Variants in RALGPS2 observed in about 807,000 individuals in gnomAD.
The protein encoded by RALGPS2 is Ral GEF with PH domain and SH3 binding motif 2.
RALGPS2 carries 43 observed loss-of-function variants against 86.8 expected under a neutral mutation model. That is an observed-to-expected ratio of 0.50 (90% CI 0.39 to 0.64). The LOEUF (loss-of-function observed/expected upper bound fraction) is 0.64. Ranked by LOEUF, RALGPS2 falls within the 30% of genes least tolerant of loss-of-function variation. The probability of loss-of-function intolerance (pLI) is 0.00; values close to 1 mark genes in which losing one functional copy is unlikely to be tolerated. For synonymous variants in RALGPS2, 243 were observed against 231.3 expected (o/e 1.05, Z -0.46); for missense variants, 536 against 694.6 (o/e 0.77, Z 2.57).
chr1:178,877,390 G>GT (rs1172239129), intron 8 of RALGPS2, 108 bp from the exon 9 acceptor site: 1 of 1,451,974 alleles, frequency 6.9e-7, no homozygotes, highest in African/African-American at 1.4e-5. Flanking sequence ...TATTTTAAAT[G>GT]TAGCGTACAG....
intron 1 of RALGPS2, among the ~76,000 whole-genome samples, chr1:178,762,216 A>G (rs923054940): frequency 1.3e-5 from 2 of 152,144 alleles, no homozygotes; most frequent in African/African-American, 4.8e-5. Context: ...GTAGTATTCC[A>G]TGATGTATAT....
rs150653601 is a variant in RALGPS2 at position 178,766,129 on chromosome 1, A to G, written c.-83-10553A>G. On this transcript the variant is annotated intron_variant, in intron 1 of 19. Transcript: ENST00000367635. ...AGTGTCCATGAAATCTTCACAGTTT[A>G]TGTTCAGAGTTTGCAGTAAAGACAG... Among the ~76,000 whole-genome samples, 1,086 of 152,336 alleles carry G rather than the reference A, an allele frequency of 7.1e-3. 15 individuals are homozygous for G. Among genetic ancestry groups the G allele is most frequent in the African/African-American group, 0.022 (926 of 41,582 alleles).
At chr1:178,802,792 CTT>C (rs138621791) in intron 4 of RALGPS2, among the ~76,000 whole-genome samples, 1,946 of 152,154 alleles carry the variant, frequency 0.013, 36 homozygotes, top group African/African-American at 0.044. Flanking sequence ...TAAATGTTAA[CTT>C]TTTTAAATAC....
At chr1:178,865,099 G>A in intron 8 of RALGPS2, 1 of 1,565,130 alleles carries the variant, frequency 6.4e-7, no homozygotes, top group South Asian at 1.2e-5. Context: ...TATACTGTTG[G>A]CTGTTAGGAA....
At chr1:178,813,699 A>G (rs78284292) in intron 6 of RALGPS2, among the ~76,000 whole-genome samples, 4,597 of 152,294 alleles carry the variant, frequency 0.03, 223 homozygotes, top group African/African-American at 0.1. Context: ...TCTGTAGGGT[A>G]GGCCAACAGG....
chr1:178,807,892 A>C (rs899450860), intron 4 of RALGPS2, among the ~76,000 whole-genome samples, 153 bp from the exon 5 acceptor site: 6 of 152,166 alleles, frequency 3.9e-5, no homozygotes, highest in African/African-American at 1.2e-4. Context: ...TGCTTTTGTG[A>C]TCCAACTGAA....
Position 178,877,614 on chromosome 1 carries a change from T to C in RALGPS2, c.724T>C (p.Leu242=). ...MNNILRIISD[L]QQSCEYDIPM... ...TAATATCCTTCGAATAATTTCTGAT[T>C]TACAGCAGTCTTGTGAATATGGTAA... Residue 242 remains leucine, a synonymous_variant, in exon 9 of 20, where the codon TTA becomes CTA. Coordinates refer to ENST00000367635, the MANE Select transcript of RALGPS2 (RefSeq NM_152663.5). 1 of 1,613,304 alleles carries C rather than the reference T, an allele frequency of 6.2e-7. No individual in the cohort carries two copies. Among genetic ancestry groups the C allele is most frequent in the Non-Finnish European group, 8.5e-7 (1 of 1,179,470 alleles).
intron 8 of RALGPS2, among the ~76,000 whole-genome samples, chr1:178,845,565 A>G (rs1656827540): frequency 6.6e-6 from 1 of 152,192 alleles, no homozygotes; most frequent in Non-Finnish European, 1.5e-5. Context: ...TGGTTCAACT[A>G]ATTATCCCTT....
intron 1 of RALGPS2, among the ~76,000 whole-genome samples, chr1:178,745,203 G>T (rs1651246753): frequency 6.6e-6 from 1 of 152,170 alleles, no homozygotes; most frequent in African/African-American, 2.4e-5. Context: ...ATTGATCAAT[G>T]TGATTCCAGT....
chr1:178,904,569 G>A (rs181834843), intron 18 of RALGPS2, among the ~76,000 whole-genome samples: 8 of 152,206 alleles, frequency 5.3e-5, no homozygotes, highest in East Asian at 3.9e-4. Context: ...TCCTACATGC[G>A]GCTAGCCAAT....
rs143707327 is a variant in RALGPS2, at chr1:178,801,094, T to C, written c.214-6951T>C. Among the ~76,000 whole-genome samples, 1,593 of 152,062 alleles carry C rather than the reference T, an allele frequency of 0.01. 85 individuals are homozygous for C. In the East Asian group the frequency reaches 0.17, roughly 16 times the overall value. On this transcript the variant is annotated intron_variant, in intron 4 of 19. Transcript: ENST00000367635. ...GGCATATGCCACCACGCCTGGCTAA[T>C]TTTTGTATTTTTAGTAGAGAGGGAT...
intron 19 of RALGPS2, among the ~76,000 whole-genome samples, chr1:178,907,545 G>A (rs910023769): frequency 3.3e-5 from 5 of 152,304 alleles, no homozygotes; most frequent in Admixed American, 3.3e-4. Context: ...GGAATCCATT[G>A]TGTTGTTTTC....
chr1:178,865,057 C>G (rs146461089), intron 8 of RALGPS2: 2 of 1,514,548 alleles, frequency 1.3e-6, no homozygotes, highest in Non-Finnish European at 8.8e-7. Flanking sequence ...CTGGATCCCT[C>G]TGAATCTCGT....
intron 18 of RALGPS2, among the ~76,000 whole-genome samples, chr1:178,906,250 C>T (rs1439535786): frequency 6.6e-6 from 1 of 152,020 alleles, no homozygotes; most frequent in Non-Finnish European, 1.5e-5. Context: ...TGGTGCACAC[C>T]TGTAATCCCA....
intron 6 of RALGPS2, among the ~76,000 whole-genome samples, chr1:178,811,975 T>C (rs1356795166): frequency 6.6e-6 from 1 of 152,120 alleles, no homozygotes; most frequent in African/African-American, 2.4e-5. Flanking sequence ...TTAAAACTTG[T>C]AACAACTCTG....
chr1:178,863,388 A>ATG (rs56164196), intron 8 of RALGPS2, among the ~76,000 whole-genome samples: 1 of 45,644 alleles, frequency 2.2e-5, no homozygotes, highest in Non-Finnish European at 4.4e-5. Flanking sequence ...GGAGACAGAC[A>ATG]TAAATAAATA....
At chr1:178,805,955 C>G (rs928733599) in intron 4 of RALGPS2, among the ~76,000 whole-genome samples, 2 of 150,784 alleles carry the variant, frequency 1.3e-5, no homozygotes, top group African/African-American at 4.9e-5. Context: ...TTTTTTTTTT[C>G]ACTTTCAGAA....
At position 178,856,425 on chromosome 1, in the gene RALGPS2, T is replaced by TTTTTTTTTTTTTC. The variant is rs1558152837; in HGVS notation, c.608-21072_608-21071insTTTTTTTTTTTCT. Among the ~76,000 whole-genome samples the TTTTTTTTTTTTTC allele has an allele frequency of 2.4e-5, 3 of 126,536 alleles. No homozygotes were observed. In the East Asian group the frequency reaches 6.9e-4, roughly 29 times the overall value. 83.0% of individuals were successfully genotyped at this position (126,536 alleles called of 152,430 possible). On this transcript the variant is annotated intron_variant, in intron 8 of 19. Coordinates refer to ENST00000367635, the MANE Select transcript of RALGPS2 (RefSeq NM_152663.5). ...TTTTTTTTTTTTTTTTTTTTTTTTT[T>TTTTTTTTTTTTTC]TGAGAGATGAGGTCTTGGTACATTG...
chr1:178,766,460 A>G (rs1414825324), intron 1 of RALGPS2, among the ~76,000 whole-genome samples: 2 of 151,330 alleles, frequency 1.3e-5, no homozygotes, highest in African/African-American at 4.9e-5. Context: ...AACTCCTTAC[A>G]TCAAGTGATC....
Sources: allele counts gnomAD v4.1 joint callset (sites outside exome capture counted in the v4.1 genomes callset), GRCh38; gene constraint gnomAD v4.1.1; transcripts MANE v1.5; gene names NCBI Gene and HGNC (gene_info 2026-07-23, HGNC 2026-07-21).